Variants in MGME1 observed in about 807,000 individuals in gnomAD.
MGME1 encodes the protein mitochondrial genome maintenance exonuclease 1.
In MGME1, 22 loss-of-function variants were observed where a neutral mutation model predicts 33.0. The ratio of observed to expected loss-of-function variants is 0.67; its 90% confidence interval spans 0.48 to 0.95. The LOEUF (loss-of-function observed/expected upper bound fraction) is 0.95. MGME1 is among the 40% of genes least tolerant of loss of function. The pLI is 0.00. For synonymous variants in MGME1, 133 were observed against 144.0 expected, an observed-to-expected ratio of 0.92 and a Z score of 0.55; for missense variants, 383 against 397.8, an observed-to-expected ratio of 0.96 and a Z score of 0.32.
At chr20:17,989,477 G>T (rs1343712540) in intron 4 of MGME1, among the ~76,000 whole-genome samples, 1 of 151,858 alleles carries the variant, frequency 6.6e-6, no homozygotes. Context: ...CTTTGAAGGA[G>T]GCCGAGGTGG....
At chr20:17,975,535 G>A (rs1229216698) in intron 2 of MGME1, 149 bp from the exon 3 acceptor site, 31 of 620,924 alleles carry the variant, frequency 5.0e-5, no homozygotes, top group South Asian at 1.4e-4. Flanking sequence ...CAGCCTGGGC[G>A]ACAGAGGGAG....
At chr20:17,978,484 C>T (rs1384315090) in intron 3 of MGME1, among the ~76,000 whole-genome samples, 2 of 152,074 alleles carry the variant, frequency 1.3e-5, no homozygotes, top group Non-Finnish European at 1.5e-5. Context: ...AGATTACAGA[C>T]GTGAGCCACC....
chr20:17,986,828 A>G (rs1283209144), intron 3 of MGME1, among the ~76,000 whole-genome samples: 27 of 151,266 alleles, frequency 1.8e-4, no homozygotes, highest in Admixed American at 1.5e-3. Context: ...AATGCTATTA[A>G]GGTTTTTTTT....
intron 3 of MGME1, among the ~76,000 whole-genome samples, chr20:17,987,189 A>AGG (rs386419124): frequency 0.057 from 8,258 of 145,430 alleles, 789 homozygotes; most frequent in African/African-American, 0.2. Context: ...AAAAAAAAAA[A>AGG]GAAGAACCAG....
At chr20:17,988,333 C>G in intron 4 of MGME1, 35 bp downstream of exon 4, 3 of 1,602,546 alleles carry the variant, frequency 1.9e-6, no homozygotes, top group Non-Finnish European at 2.6e-6. Flanking sequence ...AAGCTTTGCT[C>G]AATGCTTACT....
chr20:17,981,900 A>T (rs776800996), intron 3 of MGME1, among the ~76,000 whole-genome samples: 4 of 151,938 alleles, frequency 2.6e-5, no homozygotes, highest in Non-Finnish European at 4.4e-5. Context: ...TGATCCACCC[A>T]TCTCAGCCTC....
chr20:17,978,804 C>T (rs1292745200), intron 3 of MGME1, among the ~76,000 whole-genome samples: 1 of 151,922 alleles, frequency 6.6e-6, no homozygotes, highest in Non-Finnish European at 1.5e-5. Context: ...GAGACAGAGT[C>T]TTGCTCTGTC....
At position 17,970,071 on chromosome 20, in the gene MGME1, C is replaced by G. The variant is rs765580422; in HGVS notation, c.212C>G (p.Ser71Trp). The G allele has an allele frequency of 7.4e-6, 12 of 1,614,072 alleles. No individual in the cohort carries two copies. The highest frequency in any genetic ancestry group is 9.3e-6 in the Non-Finnish European group (11 of 1,180,046). ...SSRGVAQTPG[S>W]VEEDALLCGP... is the part of the protein sequence containing the mutation. ...AGAGGCGTCGCCCAGACCCCGGGATCGGTGGAGGAAGATGCTTTGCTCTGT... is the reference window on the plus strand; with the variant it reads ...AGAGGCGTCGCCCAGACCCCGGGATGGGTGGAGGAAGATGCTTTGCTCTGT... The change falls in exon 2 of 5, where the codon TCG becomes TGG. Residue 71 changes from serine (S) to tryptophan (W), a missense_variant. Coordinates refer to ENST00000377710, the MANE Select transcript of MGME1 (RefSeq NM_052865.4).
At chr20:17,989,620 G>A (rs779565054) in intron 4 of MGME1, among the ~76,000 whole-genome samples, 2 of 148,762 alleles carry the variant, frequency 1.3e-5, no homozygotes, top group Non-Finnish European at 3.0e-5. Context: ...CCGAGATTGT[G>A]CCACTGCACT....
Position 17,990,003 on chromosome 20 carries a change from A to T in MGME1, c.929A>T (p.Asp310Val), listed in dbSNP as rs753462341. The change falls in exon 5 of 5, where the codon GAT (aspartate) becomes GTT (valine). Residue 310 changes from aspartate to valine, a missense_variant. Physicochemically the swap from Asp to Val is radical, Grantham distance 152 (BLOSUM62 -3). Transcript: ENST00000377710. ...DGSPAHPHFM[D>V]AELCSQYWTK... is the part of the protein sequence containing the mutation. ...TCACCTGCCCACCCACATTTCATGG[A>T]TGCAGAGCTCTGTTCCCAGTACTGG... 5 of 1,614,154 alleles carry T rather than the reference A, an allele frequency of 3.1e-6. No individual in the cohort carries two copies. The highest frequency in any genetic ancestry group is 4.2e-6 in the Non-Finnish European group (5 of 1,179,996).
Position 17,975,777 on chromosome 20 carries a change from A to C in MGME1, c.605A>C (p.Lys202Thr), listed in dbSNP as rs765203045. 1.1e-5 allele frequency: 18 copies of C among 1,614,072 alleles called. No homozygotes were observed. Among genetic ancestry groups the C allele is most frequent in the Admixed American group, 3.3e-5 (2 of 60,002 alleles). The change falls in exon 3 of 5, where the codon AAG (lysine) becomes ACG (threonine). Residue 202 changes from lysine (K) to threonine (T), a missense_variant. Transcript: ENST00000377710. ...AAAGAGAGAGATGAAAATCTCCTCA[A>C]GTCTGGTTACATTGAAAGTGTCCAG... The part of the protein sequence containing the change: ...TLKERDENLL[K>T]SGYIESVQHI...
chr20:17,990,052 A>G lies in MGME1; in HGVS notation c.978A>G (p.Glu326=), dbSNP rs2122640354. Residue 326 remains glutamate (E), a synonymous_variant, in exon 5 of 5, where the codon GAA becomes GAG. Transcript: ENST00000377710. ...GGACCAAGTGGCTTCTTCGACTAGA[A>G]GAATATACGGAAAAGAAAAAGAACC... is the stretch of plus-strand genomic sequence containing the variant. ...QYWTKWLLRL[E]EYTEKKKNQN... is the part of the protein sequence containing the mutation. The G allele has an allele frequency of 1.2e-6, 2 of 1,614,140 alleles. No individual in the cohort carries two copies. The highest frequency in any genetic ancestry group is 1.7e-6 in the Non-Finnish European group (2 of 1,180,004).
intron 2 of MGME1, chr20:17,972,818 T>A (rs911274598): frequency 3.7e-5 from 36 of 976,402 alleles, no homozygotes; most frequent in Non-Finnish European, 4.1e-5. Context: ...TCTTCCTGTT[T>A]TTAACATGTT....
intron 3 of MGME1, among the ~76,000 whole-genome samples, chr20:17,979,906 A>G (rs1216896196): frequency 1.3e-5 from 2 of 151,582 alleles, no homozygotes; most frequent in Non-Finnish European, 2.9e-5. Context: ...TAATTTTTCT[A>G]TTTTTTGTAG....
upstream of MGME1, chr20:17,968,926 C>G (rs1169631763): frequency 6.3e-6 from 1 of 158,026 alleles, no homozygotes; most frequent in Non-Finnish European, 1.4e-5. Context: ...GACGCCGGCC[C>G]TTCCGCTCGG....
At chr20:17,986,180 T>A (rs760967935) in intron 3 of MGME1, among the ~76,000 whole-genome samples, 2 of 152,104 alleles carry the variant, frequency 1.3e-5, no homozygotes, top group Non-Finnish European at 2.9e-5. Context: ...GTAATTCTCC[T>A]GCCTCAGCCT....
rs1400388974 is a variant in MGME1, at chr20:17,990,041, C to A, written c.967C>A (p.Leu323Ile). ...TTCCCAGTACTGGACCAAGTGGCTT[C>A]TTCGACTAGAAGAATATACGGAAAA... ...LCSQYWTKWLLRLEEYTEKKK... is the reference protein window; with the variant it reads ...LCSQYWTKWLIRLEEYTEKKK... The change falls in exon 5 of 5, where the codon CTT (leucine) becomes ATT (isoleucine). Residue 323 changes from leucine (L) to isoleucine (I), a missense_variant. Leu to Ile is a conservative substitution (Grantham distance 5). Coordinates refer to ENST00000377710, the MANE Select transcript of MGME1 (RefSeq NM_052865.4). The A allele has an allele frequency of 6.2e-7, 1 of 1,614,082 alleles. No homozygotes were observed. The highest frequency in any genetic ancestry group is 8.5e-7 in the Non-Finnish European group (1 of 1,179,980).
chr20:17,986,153 C>G (rs1188990502), intron 3 of MGME1, among the ~76,000 whole-genome samples: 1 of 152,078 alleles, frequency 6.6e-6, no homozygotes, highest in East Asian at 1.9e-4. Context: ...ACTGCAACTT[C>G]TGCCTCCCAG....
rs373396187 is a variant in MGME1 at position 17,970,075 on chromosome 20, G to A, written c.216G>A (p.Val72=). Residue 72 remains valine (V), a synonymous_variant, in exon 2 of 5, where the codon GTG becomes GTA. Transcript: ENST00000377710. The part of the protein sequence containing the change: ...SRGVAQTPGS[V]EEDALLCGPV... ...GCGTCGCCCAGACCCCGGGATCGGT[G>A]GAGGAAGATGCTTTGCTCTGTGGAC... 3 of 1,614,254 alleles carry A rather than the reference G, an allele frequency of 1.9e-6. No individual in the cohort carries two copies. The African/African-American group carries it at 4.0e-5, about 22-fold the overall frequency.
Sources: gnomAD v4.1 joint callset for allele counts (sites outside exome capture counted in the v4.1 genomes callset) on GRCh38, gnomAD v4.1.1 for gene constraint, MANE v1.5 for transcripts, NCBI Gene and HGNC (gene_info 2026-07-23, HGNC 2026-07-21) for gene names.